The following KIAA1191 variants were observed in gnomAD, a reference collection of about 807,000 sequenced individuals.
KIAA1191 encodes the protein KIAA1191.
KIAA1191 carries 22 observed loss-of-function variants against 31.1 expected under a neutral mutation model. That is an observed-to-expected ratio of 0.71 (90% CI 0.51 to 1.01). The LOEUF (loss-of-function observed/expected upper bound fraction) is 1.01, where lower values mean the gene tolerates loss of function less well. Among genes scored for constraint, KIAA1191 ranks in the 50% least tolerant of loss-of-function variants. The pLI, the probability that KIAA1191 is intolerant of heterozygous loss-of-function variation, is 0.00. For synonymous variants in KIAA1191, 130 were observed against 143.9 expected (o/e 0.90, Z 0.69); for missense variants, 319 against 388.0 (o/e 0.82, Z 1.49).
At chr5:176,359,387 A>G (rs1174259955) in intron 3 of KIAA1191, 94 bp downstream of exon 3, 2 of 1,092,702 alleles carry the variant, frequency 1.8e-6, no homozygotes, top group African/African-American at 3.1e-5. Flanking sequence ...GCAGAGATTA[A>G]CCATTAATAT....
At chr5:176,356,961 G>A (rs1767556629) in intron 3 of KIAA1191, among the ~76,000 whole-genome samples, 1 of 152,190 alleles carries the variant, frequency 6.6e-6, no homozygotes, top group Non-Finnish European at 1.5e-5. Flanking sequence ...TGGGGGGAGT[G>A]AGGATACGAC....
In KIAA1191 at chr5:176,347,172, C is replaced by G. The variant is rs146686827; in HGVS notation, c.*428G>C. ...TCAAAAACCAATTACATCTCCAGCTCTAGCCTCAATTTAATAGGTTTTTTA... is the reference window on the plus strand; with the variant it reads ...TCAAAAACCAATTACATCTCCAGCTGTAGCCTCAATTTAATAGGTTTTTTA... On this transcript the variant is annotated 3_prime_UTR_variant, in exon 9 of 9. Transcript: ENST00000298569. 2 of 152,608 alleles carry G rather than the reference C, an allele frequency of 1.3e-5. No individual in the cohort carries two copies. The highest frequency in any genetic ancestry group is 4.8e-5 in the African/African-American group (2 of 41,586). 9.5% of individuals were successfully genotyped at this position (152,608 alleles called of 1,614,324 possible). A position where few individuals can be genotyped will look rare whatever the true frequency, so the allele number is the denominator to read the frequency against.
At chr5:176,353,544 T>C (rs557605556) in intron 4 of KIAA1191, 39 of 152,354 alleles carry the variant, frequency 2.6e-4, no homozygotes, top group African/African-American at 8.9e-4. Flanking sequence ...AAAAATGTTG[T>C]ATCCTTACTA....
intron 3 of KIAA1191, chr5:176,357,245 G>A (rs1428774401): frequency 1.3e-5 from 2 of 151,960 alleles, no homozygotes; most frequent in African/African-American, 4.8e-5. Flanking sequence ...AGGTTGCAGA[G>A]AGCCAAGATC....
intron 3 of KIAA1191, among the ~76,000 whole-genome samples, chr5:176,357,994 G>GA (rs1491231440): frequency 2.0e-5 from 3 of 151,706 alleles, no homozygotes; most frequent in Non-Finnish European, 4.4e-5. Context: ...TCACAACCCC[G>GA]AGAGATAGGA....
chr5:176,353,704 GCAGCTGTTCCAAGCCAT>G (rs1300637797), intron 4 of KIAA1191: 10 of 152,306 alleles, frequency 6.6e-5, no homozygotes, highest in African/African-American at 9.6e-5. Flanking sequence ...CTCCTTTGGA[GCAGCTGTTCCAAGCCAT>G]CAGCTGTTCC....
At chr5:176,352,134 T>C (rs1168996250) in intron 5 of KIAA1191, among the ~76,000 whole-genome samples, 3 of 144,056 alleles carry the variant, frequency 2.1e-5, no homozygotes, top group Non-Finnish European at 3.0e-5. Flanking sequence ...CTCTTCCTGG[T>C]AGACCAACTT....
intron 6 of KIAA1191, 105 bp downstream of exon 6, chr5:176,350,508 A>C (rs1581358372): frequency 7.1e-7 from 1 of 1,410,456 alleles, no homozygotes; most frequent in Non-Finnish European, 9.7e-7. Context: ...AGCGAGACTA[A>C]CTCCACAGCC....
At position 176,355,685 on chromosome 5, in the gene KIAA1191, G is replaced by A. The variant is rs1767452661; in HGVS notation, c.93C>T (p.Val31=). Residue 31 remains valine (V), a synonymous_variant, in exon 4 of 9, where the codon GTC becomes GTT. Coordinates refer to ENST00000298569, the MANE Select transcript of KIAA1191 (RefSeq NM_020444.5). This position sits in a 1 kb window ranked among gnomAD's most constrained non-coding sequence, Gnocchi z 4.2. ...SLPIGIYRRA[V]SYDDTLEDPA... ...GGTCCTCGAGGGTATCATCATAGCT[G>A]ACTGCCCGGCGGTATATCCCGATGG... 6.2e-7 allele frequency: 1 copy of A among 1,613,520 alleles called. No individual in the cohort carries two copies. Among genetic ancestry groups the A allele is most frequent in the Non-Finnish European group, 8.5e-7 (1 of 1,180,038 alleles).
intron 3 of KIAA1191, among the ~76,000 whole-genome samples, chr5:176,357,702 C>T (rs755338761): frequency 1.3e-5 from 2 of 152,098 alleles, no homozygotes; most frequent in African/African-American, 2.4e-5. Flanking sequence ...GACGGCTACA[C>T]GGAGTTTGTG....
chr5:176,359,438 A>G, intron 3 of KIAA1191, 43 bp downstream of exon 3: 1 of 1,562,948 alleles, frequency 6.4e-7, no homozygotes, highest in Non-Finnish European at 8.7e-7. Flanking sequence ...TTAAAACATT[A>G]ATAAGGGCAA....
At position 176,355,045 on chromosome 5, in the gene KIAA1191, C is replaced by A. The variant is rs1193161999; in HGVS notation, c.207+526G>T. Among the ~76,000 whole-genome samples, 3 of 152,098 alleles carry A rather than the reference C, an allele frequency of 2.0e-5. No individual in the cohort carries two copies. The highest frequency in any genetic ancestry group is 4.4e-5 in the Non-Finnish European group (3 of 68,026). ...GCAGTGTGAGCCAAAAACTGACAGG[C>A]AGAAAATACGCTGCTAAGTGCAAGA... On this transcript the variant is annotated intron_variant, in intron 4 of 8. Coordinates refer to ENST00000298569, the MANE Select transcript of KIAA1191 (RefSeq NM_020444.5). This position sits in a 1 kb window ranked among gnomAD's most constrained non-coding sequence, Gnocchi z 4.2.
chr5:176,350,807 A>G (rs1330368516), intron 5 of KIAA1191, 70 bp from the exon 6 acceptor site: 3 of 1,571,768 alleles, frequency 1.9e-6, no homozygotes, highest in Non-Finnish European at 2.6e-6. Context: ...GACAACATGG[A>G]TATCTACTAT....
In KIAA1191 at chr5:176,347,620, G is replaced by A. The variant is rs1766618409; in HGVS notation, c.898C>T (p.Leu300Phe). Residue 300 changes from leucine to phenylalanine, a missense_variant, in exon 9 of 9, where the codon CTC becomes TTC. Coordinates refer to ENST00000298569, the MANE Select transcript of KIAA1191 (RefSeq NM_020444.5). ...GGGCTCTAGAAGCCAGTGGGTGTGAGCACATTCAGGTCACGGGGTTTGAGG... is the reference window on the plus strand; with the variant it reads ...GGGCTCTAGAAGCCAGTGGGTGTGAACACATTCAGGTCACGGGGTTTGAGG... The part of the protein sequence containing the change: ...HNLKPRDLNV[L>F]TPTGF 6.6e-7 allele frequency: 1 copy of A among 1,521,344 alleles called. No homozygotes were observed. Among genetic ancestry groups the A allele is most frequent in the Admixed American group, 2.2e-5 (1 of 44,882 alleles). 94.2% of individuals were successfully genotyped at this position (1,521,344 alleles called of 1,614,324 possible).
rs1410134294 is a variant in KIAA1191 at position 176,348,025 on chromosome 5, C to A, written c.605G>T (p.Gly202Val). ...AGAGTCCATGGTGCTAGGATTTGGG[C>A]CAGGTAAGGCTGTGGAAGAACCAGA... The part of the protein sequence containing the change: ...FTSGSSTALP[G>V]PNPSTMDSGS... Residue 202 changes from glycine to valine, a missense_variant, in exon 8 of 9, where the codon GGC becomes GTC. By Grantham distance (109) the Gly-to-Val change is moderately radical. Transcript: ENST00000298569. 2.5e-6 allele frequency: 4 copies of A among 1,613,892 alleles called. No homozygotes were observed. The African/African-American group carries it at 5.3e-5, about 22-fold the overall frequency.
At chr5:176,351,682 T>C (rs1029329581) in intron 5 of KIAA1191, among the ~76,000 whole-genome samples, 1 of 151,268 alleles carries the variant, frequency 6.6e-6, no homozygotes, top group Non-Finnish European at 1.5e-5. Context: ...TGCTTGAACC[T>C]GGGAGGCGAA....
intron 4 of KIAA1191, chr5:176,354,385 G>A (rs577484298): frequency 6.6e-6 from 1 of 152,342 alleles, no homozygotes; most frequent in Admixed American, 6.5e-5. Flanking sequence ...AGAAACTGTA[G>A]CTACAGGTTA....
At chr5:176,356,264 C>T (rs1276422549) in intron 3 of KIAA1191, 1 of 163,186 alleles carries the variant, frequency 6.1e-6, no homozygotes, top group African/African-American at 2.4e-5. Context: ...AGAAGCCACC[C>T]CCTACTGCAA....
chr5:176,359,083 C>CAAAAAA (rs70991539), intron 3 of KIAA1191, among the ~76,000 whole-genome samples: 2 of 51,878 alleles, frequency 3.9e-5, no homozygotes, highest in African/African-American at 7.7e-5. Context: ...GACTCTGTCT[C>CAAAAAA]AAAAAAAAAA....
Sources: allele counts gnomAD v4.1 joint callset (sites outside exome capture counted in the v4.1 genomes callset), GRCh38; gene constraint gnomAD v4.1.1; non-coding constraint Gnocchi (gnomAD v3.1); transcripts MANE v1.5; gene names NCBI Gene and HGNC (gene_info 2026-07-23, HGNC 2026-07-21).